The following PTGFRN variants were observed in gnomAD, a reference collection of about 807,000 sequenced individuals.
The protein encoded by PTGFRN is prostaglandin F2 receptor inhibitor, also known as prostaglandin F2 receptor negative regulator.
In PTGFRN, 35 loss-of-function variants were observed where a neutral mutation model predicts 83.2. The observed-to-expected ratio is 0.42, with a 90% CI of 0.32 to 0.56. PTGFRN has a LOEUF of 0.56. PTGFRN is among the 20% of genes least tolerant of loss of function. The probability of loss-of-function intolerance (pLI) is 0.11; values close to 1 mark genes in which losing one functional copy is unlikely to be tolerated. For synonymous variants in PTGFRN, 519 were observed against 498.6 expected, an observed-to-expected ratio of 1.04 and a Z score of -0.55; for missense variants, 1,051 against 1,179.5, an observed-to-expected ratio of 0.89 and a Z score of 1.60.
intron 1 of PTGFRN, among the ~76,000 whole-genome samples, chr1:116,912,366 C>T (rs140646283): frequency 3.8e-4 from 58 of 152,304 alleles, no homozygotes; most frequent in Non-Finnish European, 6.9e-4. Context: ...GGGAAGGTCT[C>T]GCTGTGTTAC....
chr1:116,936,195 TA>T (rs1310590235), intron 1 of PTGFRN, among the ~76,000 whole-genome samples: 1 of 152,126 alleles, frequency 6.6e-6, no homozygotes, highest in Non-Finnish European at 1.5e-5. Flanking sequence ...CCATATGCTC[TA>T]TTTTTTCCAA....
intron 5 of PTGFRN, among the ~76,000 whole-genome samples, chr1:116,964,085 C>CA (rs542626851): frequency 1.5e-3 from 222 of 150,634 alleles, no homozygotes; most frequent in Admixed American, 3.0e-3. Context: ...GGGCGCCCCC[C>CA]CTTTTTTATG....
chr1:116,943,508 A>G (rs1296138116), intron 2 of PTGFRN, among the ~76,000 whole-genome samples: 2 of 152,138 alleles, frequency 1.3e-5, no homozygotes, highest in African/African-American at 2.4e-5. Context: ...TTGGGTGAGG[A>G]AAGCAATGGA....
Position 116,910,075 on chromosome 1 carries a change from GA to G in PTGFRN, c.-128del, listed in dbSNP as rs1243343223. The stretch of plus-strand genomic sequence containing the variant: ...GCGCTGGGATTTATCGGCTCGCGAG[GA>G]GAGCGGAGCAGGCGCGCGGCCCAGG... On this transcript the variant is annotated 5_prime_UTR_variant, in exon 1 of 9. Transcript: ENST00000393203. 2.9e-6 allele frequency: 3 copies of G among 1,020,776 alleles called. No homozygotes were observed. The highest frequency in any genetic ancestry group is 4.1e-5 in the Admixed American group (2 of 49,378). 63.2% of individuals were successfully genotyped at this position (1,020,776 alleles called of 1,614,324 possible).
At chr1:116,974,510 C>G in intron 7 of PTGFRN, 187 bp downstream of exon 7, 1 of 466,470 alleles carries the variant, frequency 2.1e-6, no homozygotes, top group Non-Finnish European at 3.8e-6. Flanking sequence ...CATCTATCTG[C>G]TAGATGGTTT....
chr1:116,927,017 C>T (rs896305310), intron 1 of PTGFRN, among the ~76,000 whole-genome samples: 9 of 152,024 alleles, frequency 5.9e-5, no homozygotes, highest in East Asian at 1.9e-4. Flanking sequence ...CACTTAGCCC[C>T]GAGATTGCAG....
At chr1:116,953,709 AG>A (rs1016005190) in intron 4 of PTGFRN, among the ~76,000 whole-genome samples, 9 of 152,066 alleles carry the variant, frequency 5.9e-5, no homozygotes, top group Non-Finnish European at 1.3e-4. Context: ...GTGTCCTAAA[AG>A]CAGCTGCTCC....
chr1:116,938,617 G>A (rs1649980683), intron 1 of PTGFRN, among the ~76,000 whole-genome samples: 1 of 152,058 alleles, frequency 6.6e-6, no homozygotes, highest in African/African-American at 2.4e-5. Context: ...TTTCGGTGGG[G>A]ACAGAGCCAA....
intron 1 of PTGFRN, among the ~76,000 whole-genome samples, chr1:116,932,076 A>G (rs1010549500): frequency 6.6e-6 from 1 of 152,238 alleles, no homozygotes; most frequent in Admixed American, 6.5e-5. Flanking sequence ...AAATAGAAAC[A>G]ATTGCAAGAA....
rs1017055222 is a variant in PTGFRN, at chr1:116,989,431, T to C, written c.*2464T>C. ...TTTTAATGTGGTGAGATGCACTCTT[T>C]TGTTGTACCAAATAGGGCTCCCCAC... On this transcript the variant is annotated 3_prime_UTR_variant, in exon 9 of 9. Transcript: ENST00000393203. 6.6e-6 allele frequency: 1 copy of C among 152,512 alleles called. No individual in the cohort carries two copies. The highest frequency in any genetic ancestry group is 1.5e-5 in the Non-Finnish European group (1 of 68,038). 9.4% of individuals were successfully genotyped at this position (152,512 alleles called of 1,614,324 possible).
chr1:116,973,629 A>C (rs1025929851), intron 6 of PTGFRN, among the ~76,000 whole-genome samples: 1 of 151,432 alleles, frequency 6.6e-6, no homozygotes, highest in African/African-American at 2.4e-5. Context: ...AAAAAGGAAA[A>C]AGGCATATCC....
At chr1:116,970,717 C>A (rs886400386) in intron 6 of PTGFRN, among the ~76,000 whole-genome samples, 1 of 152,200 alleles carries the variant, frequency 6.6e-6, no homozygotes, top group Non-Finnish European at 1.5e-5. Context: ...AAATTCAGCA[C>A]CCAGAACAAT....
chr1:116,922,905 A>T (rs1032729349), intron 1 of PTGFRN, among the ~76,000 whole-genome samples: 2 of 152,150 alleles, frequency 1.3e-5, no homozygotes, highest in African/African-American at 4.8e-5. Flanking sequence ...TTTGTCTTGG[A>T]ATTATTTCCA....
chr1:116,931,009 C>A (rs1049836584), intron 1 of PTGFRN, among the ~76,000 whole-genome samples: 8 of 152,200 alleles, frequency 5.3e-5, no homozygotes, highest in African/African-American at 1.9e-4. Flanking sequence ...CTTTTGACCC[C>A]TGAGGCACCT....
At chr1:116,925,148 G>C (rs1649621202) in intron 1 of PTGFRN, among the ~76,000 whole-genome samples, 1 of 151,678 alleles carries the variant, frequency 6.6e-6, no homozygotes, top group African/African-American at 2.4e-5. Context: ...CGATAAACCA[G>C]CTGTCGCAGT....
intron 6 of PTGFRN, among the ~76,000 whole-genome samples, chr1:116,969,601 CT>C (rs1332107250): frequency 6.6e-6 from 1 of 152,130 alleles, no homozygotes; most frequent in Non-Finnish European, 1.5e-5. Context: ...ATCCATGTGA[CT>C]TTTAGGATCC....
At chr1:116,932,338 C>G (rs909872826) in intron 1 of PTGFRN, among the ~76,000 whole-genome samples, 1 of 152,134 alleles carries the variant, frequency 6.6e-6, no homozygotes, top group South Asian at 2.1e-4. Context: ...CCCATCGATT[C>G]CACCTGATAG....
chr1:116,964,915 G>A (rs908516219), intron 5 of PTGFRN, among the ~76,000 whole-genome samples: 2 of 152,316 alleles, frequency 1.3e-5, no homozygotes, highest in South Asian at 2.1e-4. Flanking sequence ...CTCCCAGATC[G>A]TCTCCTTGCT....
At chr1:116,934,802 T>C (rs898990452) in intron 1 of PTGFRN, among the ~76,000 whole-genome samples, 1 of 152,242 alleles carries the variant, frequency 6.6e-6, no homozygotes, top group African/African-American at 2.4e-5. Flanking sequence ...TGAGAAGATT[T>C]ACTTTTTTCC....
Sources: gnomAD v4.1 joint callset for allele counts (sites outside exome capture counted in the v4.1 genomes callset) on GRCh38, gnomAD v4.1.1 for gene constraint, MANE v1.5 for transcripts, NCBI Gene and HGNC (gene_info 2026-07-23, HGNC 2026-07-21) for gene names.